Variants in VPS13B observed in about 807,000 individuals in gnomAD.
VPS13B encodes the protein vacuolar protein sorting 13 homolog B, also known as intermembrane lipid transfer protein VPS13B.
Under a neutral mutation model 426.4 loss-of-function variants are expected in VPS13B, and 285 were observed. That is an observed-to-expected ratio of 0.67 (90% CI 0.61 to 0.74). The LOEUF is 0.74. Ranked by LOEUF, VPS13B falls within the 30% of genes least tolerant of loss-of-function variation. The pLI is 0.00. For missense variants in VPS13B, 4,537 were observed against 4,782.6 expected, an observed-to-expected ratio of 0.95 and a Z score of 1.51; for synonymous variants, 1,676 against 1,676.4, an observed-to-expected ratio of 1.00 and a Z score of 0.01.
chr8:99,427,820 C>T (rs1208279670), intron 21 of VPS13B, among the ~76,000 whole-genome samples: 2 of 152,026 alleles, frequency 1.3e-5, no homozygotes, highest in Non-Finnish European at 2.9e-5. Context: ...AAAGAGCCCG[C>T]ATTGCCAAGT....
intron 44 of VPS13B, among the ~76,000 whole-genome samples, chr8:99,816,688 C>T (rs1588741505): frequency 6.6e-6 from 1 of 151,860 alleles, no homozygotes; most frequent in East Asian, 1.9e-4. Context: ...CCCTGTAGAC[C>T]CAGCTACTCT....
In VPS13B at chr8:99,475,051, G is replaced by A. The variant is rs569712454; in HGVS notation, c.3667-6548G>A. The stretch of plus-strand genomic sequence containing the variant: ...ATTGATAAAATGCAAAATCATTGAC[G>A]AATCTTGAAATCATTATGCTGACTG... On this transcript the variant is annotated intron_variant, in intron 24 of 61. Coordinates refer to ENST00000357162, the MANE Select transcript of VPS13B (RefSeq NM_152564.5). Among the ~76,000 whole-genome samples, 3 of 152,186 alleles carry A rather than the reference G, an allele frequency of 2.0e-5. No homozygotes were observed. In the East Asian group the frequency reaches 5.8e-4, roughly 29 times the overall value.
At chr8:99,545,710 A>G (rs932465798) in intron 30 of VPS13B, among the ~76,000 whole-genome samples, 5 of 152,060 alleles carry the variant, frequency 3.3e-5, no homozygotes, top group Admixed American at 6.6e-5. Context: ...ATTAGGCACT[A>G]TACACTTAGG....
intron 42 of VPS13B, among the ~76,000 whole-genome samples, chr8:99,783,294 T>C (rs1812107087): frequency 6.6e-6 from 1 of 152,202 alleles, no homozygotes; most frequent in Admixed American, 6.5e-5. Context: ...TGACATTATT[T>C]AGATCCATAG....
chr8:99,391,326 G>A lies in VPS13B; in HGVS notation c.2935-231G>A, dbSNP rs1418150494. 6.6e-5 allele frequency among the ~76,000 whole-genome samples: 10 copies of A among 151,098 alleles called. No homozygotes were observed. In the Admixed American group the frequency reaches 6.7e-4, roughly 10 times the overall value. ...TTTAAAATTTAAGTGGATAAGCATT[G>A]CTCTGTGTGTGCATGTGTGTCTGTG... On this transcript the variant is annotated intron_variant, in intron 20 of 61. Transcript: ENST00000357162.
At chr8:99,052,753 G>A (rs1410807253) in intron 3 of VPS13B, among the ~76,000 whole-genome samples, 6 of 152,176 alleles carry the variant, frequency 3.9e-5, no homozygotes, top group Non-Finnish European at 7.3e-5. Context: ...TCCTGGATTA[G>A]TCTTGGGAGG....
intron 30 of VPS13B, among the ~76,000 whole-genome samples, chr8:99,529,706 G>C (rs1443669947): frequency 6.6e-6 from 1 of 152,106 alleles, no homozygotes; most frequent in African/African-American, 2.4e-5. Flanking sequence ...GAATTACAAG[G>C]GCAAAGTAAT....
intron 54 of VPS13B, among the ~76,000 whole-genome samples, chr8:99,846,862 G>T (rs74797034): frequency 0.022 from 3,323 of 152,196 alleles, 125 homozygotes; most frequent in African/African-American, 0.077. Context: ...TTCTCTATTC[G>T]CATCCCCTCC....
chr8:99,134,664 C>T lies in VPS13B; in HGVS notation c.1239C>T (p.Tyr413=). 1 of 1,609,816 alleles carries T rather than the reference C, an allele frequency of 6.2e-7. No homozygotes were observed. The highest frequency in any genetic ancestry group is 8.5e-7 in the Non-Finnish European group (1 of 1,177,760). ...LTEMQVESSY[Y]SPQKVKSKEV... ...AAATGCAAGTTGAGAGTAGTTATTACAGTCCACAGAAAGTAAAATCTAAAG... is the reference window on the plus strand; with the variant it reads ...AAATGCAAGTTGAGAGTAGTTATTATAGTCCACAGAAAGTAAAATCTAAAG... Residue 413 remains tyrosine (Y), a synonymous_variant, in exon 9 of 62, where the codon TAC becomes TAT. Coordinates refer to ENST00000357162, the MANE Select transcript of VPS13B (RefSeq NM_152564.5).
At chr8:99,366,561 A>G (rs1453668567) in intron 19 of VPS13B, among the ~76,000 whole-genome samples, 2 of 143,478 alleles carry the variant, frequency 1.4e-5, no homozygotes, top group Non-Finnish European at 3.0e-5. Context: ...CAGCCACTCT[A>G]TGTCTTTTGA....
intron 19 of VPS13B, among the ~76,000 whole-genome samples, chr8:99,358,462 T>C (rs1450592138): frequency 6.6e-6 from 1 of 152,214 alleles, no homozygotes; most frequent in Non-Finnish European, 1.5e-5. Flanking sequence ...AGTGTAAAGA[T>C]AGTTGCTTAT....
chr8:99,207,074 C>T (rs946490309), intron 17 of VPS13B, among the ~76,000 whole-genome samples: 7 of 152,060 alleles, frequency 4.6e-5, no homozygotes, highest in African/African-American at 1.4e-4. Context: ...TAAGGTGTCC[C>T]TATATGCACT....
chr8:99,114,368 G>A (rs1030440686), intron 6 of VPS13B, among the ~76,000 whole-genome samples: 4 of 151,954 alleles, frequency 2.6e-5, no homozygotes, highest in African/African-American at 7.3e-5. Flanking sequence ...CACATTCACT[G>A]GTCATTTGTT....
intron 2 of VPS13B, among the ~76,000 whole-genome samples, chr8:99,029,560 T>A (rs898351138): frequency 5.3e-5 from 8 of 151,896 alleles, no homozygotes; most frequent in African/African-American, 1.7e-4. Context: ...TCACTCGCGG[T>A]TAGGAGCTGG....
chr8:99,059,173 G>A (rs139400609), intron 3 of VPS13B, among the ~76,000 whole-genome samples: 1 of 152,296 alleles, frequency 6.6e-6, no homozygotes, highest in African/African-American at 2.4e-5. Context: ...GTCTCACTCT[G>A]TTGCCCAGCC....
intron 13 of VPS13B, among the ~76,000 whole-genome samples, chr8:99,147,374 A>C (rs1368724976): frequency 2.0e-5 from 3 of 152,152 alleles, no homozygotes; most frequent in East Asian, 3.8e-4. Context: ...AGCCTCCCAA[A>C]GTGCTGGGAT....
chr8:99,534,071 CAG>C (rs141189596), intron 30 of VPS13B, among the ~76,000 whole-genome samples: 26 of 150,512 alleles, frequency 1.7e-4, no homozygotes, highest in Non-Finnish European at 1.9e-4. Context: ...TTTAGTAAGT[CAG>C]AGAGAGAGAG....
chr8:99,577,429 A>G lies in VPS13B; in HGVS notation c.5077-61A>G, dbSNP rs571010180. On this transcript the variant is annotated intron_variant, in intron 32 of 61. Transcript: ENST00000357162. ...AGTGAAGGTCAAATAAGTAAGAATGATAAATTATCATCTGAAAGCTATCAT... is the reference window on the plus strand; with the variant it reads ...AGTGAAGGTCAAATAAGTAAGAATGGTAAATTATCATCTGAAAGCTATCAT... The G allele has an allele frequency of 1.1e-5, 18 of 1,607,628 alleles. No homozygotes were observed. In the African/African-American group the frequency reaches 1.9e-4, roughly 17 times the overall value.
At chr8:99,848,200 A>C (rs1033483458) in intron 54 of VPS13B, among the ~76,000 whole-genome samples, 1 of 152,186 alleles carries the variant, frequency 6.6e-6, no homozygotes, top group African/African-American at 2.4e-5. Context: ...CCATATTCTC[A>C]TGGTAGAAAA....
Sources: gnomAD v4.1 joint callset for allele counts (sites outside exome capture counted in the v4.1 genomes callset) on GRCh38, gnomAD v4.1.1 for gene constraint, MANE v1.5 for transcripts, NCBI Gene and HGNC (gene_info 2026-07-23, HGNC 2026-07-21) for gene names.